Variants in CHST8 observed in about 807,000 individuals in gnomAD.
CHST8 encodes carbohydrate sulfotransferase 8.
Under a neutral mutation model 15.0 loss-of-function variants are expected in CHST8, and 10 were observed. The observed-to-expected ratio is 0.67, with a 90% CI of 0.41 to 1.13. The LOEUF (loss-of-function observed/expected upper bound fraction) is 1.13, where lower values mean the gene tolerates loss of function less well. Among genes scored for constraint, CHST8 ranks in the 50% most tolerant of loss-of-function variants. The pLI is 0.00. For synonymous variants in CHST8, 259 were observed against 256.6 expected (o/e 1.01, Z -0.09); for missense variants, 634 against 608.2 (o/e 1.04, Z -0.45).
chr19:33,650,450 G>T (rs189809660), intron 1 of CHST8, among the ~76,000 whole-genome samples: 1 of 145,348 alleles, frequency 6.9e-6, no homozygotes, highest in Non-Finnish European at 1.5e-5. Context: ...AAGTTGGAAG[G>T]ATTTTTTTAA....
At chr19:33,643,964 G>T (rs775452322) in intron 1 of CHST8, among the ~76,000 whole-genome samples, 1 of 151,742 alleles carries the variant, frequency 6.6e-6, no homozygotes. Flanking sequence ...ACGGAGTCTC[G>T]CTCTGTCACC....
chr19:33,649,570 G>A (rs1012368015), intron 1 of CHST8, among the ~76,000 whole-genome samples: 4 of 152,196 alleles, frequency 2.6e-5, no homozygotes, highest in Admixed American at 2.0e-4. Flanking sequence ...CATTCATGAG[G>A]GGGGTCTGGA....
intron 1 of CHST8, among the ~76,000 whole-genome samples, chr19:33,659,059 CTTTTT>C (rs71181374): frequency 1.3e-5 from 1 of 78,842 alleles, no homozygotes; most frequent in Non-Finnish European, 2.2e-5. Flanking sequence ...TAGGTAATGA[CTTTTT>C]TTTTTTTTTT....
At chr19:33,687,149 G>A (rs1972995909) in intron 2 of CHST8, among the ~76,000 whole-genome samples, 2 of 152,266 alleles carry the variant, frequency 1.3e-5, no homozygotes, top group African/African-American at 4.8e-5. Flanking sequence ...GCCCCGGTGG[G>A]GCTGGGACTC....
chr19:33,698,733 A>G (rs1356361367), intron 3 of CHST8, among the ~76,000 whole-genome samples: 1 of 152,032 alleles, frequency 6.6e-6, no homozygotes, highest in Non-Finnish European at 1.5e-5. Flanking sequence ...GGTGTCTGAG[A>G]TGCTTGGCAG....
At chr19:33,670,606 T>C (rs925034500) in intron 2 of CHST8, among the ~76,000 whole-genome samples, 2 of 152,206 alleles carry the variant, frequency 1.3e-5, no homozygotes, top group East Asian at 3.9e-4. Context: ...GGCCAGTTTC[T>C]GGAAGCCCTT....
intron 1 of CHST8, among the ~76,000 whole-genome samples, chr19:33,626,282 CT>C (rs1972052656): frequency 6.6e-6 from 1 of 152,184 alleles, no homozygotes; most frequent in Non-Finnish European, 1.5e-5. Flanking sequence ...CTAGCCTGCA[CT>C]GGCTGGATTC....
At chr19:33,730,036 A>G (rs956687963) in intron 3 of CHST8, among the ~76,000 whole-genome samples, 4 of 152,212 alleles carry the variant, frequency 2.6e-5, no homozygotes, top group Non-Finnish European at 5.9e-5. Flanking sequence ...ATCAATTCTC[A>G]AACAGTCTTA....
intron 3 of CHST8, among the ~76,000 whole-genome samples, chr19:33,743,280 A>G (rs903661863): frequency 3.8e-4 from 54 of 142,978 alleles, no homozygotes; most frequent in Non-Finnish European, 6.1e-4. Context: ...TTCCTGCACT[A>G]TCTACCACAG....
intron 3 of CHST8, among the ~76,000 whole-genome samples, chr19:33,694,498 C>T (rs1973171642): frequency 6.6e-6 from 1 of 151,888 alleles, no homozygotes; most frequent in African/African-American, 2.4e-5. Flanking sequence ...TCTTGGGGCA[C>T]TCCTGCAGGG....
At chr19:33,696,907 C>T (rs2145270347) in intron 3 of CHST8, among the ~76,000 whole-genome samples, 1 of 150,828 alleles carries the variant, frequency 6.6e-6, no homozygotes, top group Non-Finnish European at 1.5e-5. Context: ...ATGGTACAAT[C>T]TTGGCTCACC....
chr19:33,632,978 G>C (rs1485698253), intron 1 of CHST8, among the ~76,000 whole-genome samples: 1 of 151,926 alleles, frequency 6.6e-6, no homozygotes, highest in Non-Finnish European at 1.5e-5. Flanking sequence ...TTACAGACAC[G>C]CACCACCACA....
At chr19:33,696,671 T>C (rs1040859135) in intron 3 of CHST8, among the ~76,000 whole-genome samples, 1 of 151,774 alleles carries the variant, frequency 6.6e-6, no homozygotes, top group Non-Finnish European at 1.5e-5. Flanking sequence ...CCCCAGACCG[T>C]GGAAAAATTG....
intron 1 of CHST8, among the ~76,000 whole-genome samples, chr19:33,667,365 AGCCCGACG>A (rs1316008785): frequency 6.6e-6 from 1 of 152,204 alleles, no homozygotes; most frequent in Non-Finnish European, 1.5e-5. Flanking sequence ...ACCCTCGCGC[AGCCCGACG>A]GCTGGCGCTG....
intron 2 of CHST8, among the ~76,000 whole-genome samples, chr19:33,685,804 G>T (rs546418679): frequency 3.9e-5 from 6 of 152,126 alleles, no homozygotes; most frequent in Non-Finnish European, 4.4e-5. Flanking sequence ...TGAAAACAAC[G>T]TGCGACTTGG....
chr19:33,720,556 T>C (rs1973769971), intron 3 of CHST8, among the ~76,000 whole-genome samples: 1 of 152,194 alleles, frequency 6.6e-6, no homozygotes, highest in African/African-American at 2.4e-5. Flanking sequence ...CTCTGCCCAT[T>C]GGCCTCTGTC....
At chr19:33,699,767 G>A (rs371814808) in intron 3 of CHST8, among the ~76,000 whole-genome samples, 14 of 152,284 alleles carry the variant, frequency 9.2e-5, no homozygotes, top group Admixed American at 6.5e-4. Flanking sequence ...GGGACACACT[G>A]CCCTGCCTGT....
At chr19:33,636,867 C>T (rs1335559568) in intron 1 of CHST8, among the ~76,000 whole-genome samples, 1 of 152,160 alleles carries the variant, frequency 6.6e-6, no homozygotes. Context: ...CGCCATTGCA[C>T]TCCAGCCTGG....
intron 1 of CHST8, among the ~76,000 whole-genome samples, chr19:33,641,489 TGAG>T (rs1227771777): frequency 2.6e-5 from 4 of 152,118 alleles, no homozygotes; most frequent in Admixed American, 6.5e-5. Flanking sequence ...CAGCTTGCGG[TGAG>T]GAGTTTTCTG....
Sources: allele counts gnomAD v4.1 joint callset (sites outside exome capture counted in the v4.1 genomes callset), GRCh38; gene constraint gnomAD v4.1.1; transcripts MANE v1.5; gene names NCBI Gene and HGNC (gene_info 2026-07-23, HGNC 2026-07-21).